GJB7: variants seen among roughly 807,000 people sequenced by gnomAD.
GJB7 encodes gap junction beta-7 protein.
For synonymous variants in GJB7, 87 were observed against 95.2 expected, an observed-to-expected ratio of 0.91 and a Z score of 0.50; for missense variants, 253 against 256.8, an observed-to-expected ratio of 0.99 and a Z score of 0.10.
intron 2 of GJB7, among the ~76,000 whole-genome samples, chr6:87,301,831 C>T (rs1221352788): frequency 1.3e-5 from 2 of 152,234 alleles, no homozygotes; most frequent in Non-Finnish European, 2.9e-5. Context: ...TGAGACGAAG[C>T]TTCCAGAGGA....
chr6:87,311,671 C>T (rs1776513945), intron 2 of GJB7, among the ~76,000 whole-genome samples: 1 of 152,172 alleles, frequency 6.6e-6, no homozygotes, highest in South Asian at 2.1e-4. Context: ...GAAGAGCAAA[C>T]TATTGTCCTG....
At chr6:87,321,536 C>T (rs1010904077) in intron 2 of GJB7, among the ~76,000 whole-genome samples, 3 of 152,156 alleles carry the variant, frequency 2.0e-5, no homozygotes, top group Non-Finnish European at 2.9e-5. Flanking sequence ...CAACCGCCCA[C>T]CCCTTCCCAT....
chr6:87,301,019 A>G (rs1317597958), intron 2 of GJB7, among the ~76,000 whole-genome samples: 1 of 152,244 alleles, frequency 6.6e-6, no homozygotes, highest in African/African-American at 2.4e-5. Flanking sequence ...TCAGAGGATG[A>G]AAATACATTT....
intron 2 of GJB7, among the ~76,000 whole-genome samples, chr6:87,289,828 G>A (rs1048868551): frequency 1.3e-5 from 2 of 152,168 alleles, no homozygotes; most frequent in Non-Finnish European, 2.9e-5. Flanking sequence ...CTGGCCTCTG[G>A]GAGGAAGACA....
At position 87,308,051 on chromosome 6, in the gene GJB7, A is replaced by C. The variant is rs145059900; in HGVS notation, c.-28+14815T>G. On this transcript the variant is annotated intron_variant, in intron 2 of 2. Transcript: ENST00000525899. Reference sequence around the variant, plus strand: ...CTATGGAATACTATGTAGCCATAAAAAATGATGAGTTCATGTCCTTTGTAG... The same window carrying C: ...CTATGGAATACTATGTAGCCATAAACAATGATGAGTTCATGTCCTTTGTAG... Among the ~76,000 whole-genome samples, 675 of 152,370 alleles carry C rather than the reference A, an allele frequency of 4.4e-3. 4 individuals carry two copies. Among genetic ancestry groups the C allele is most frequent in the African/African-American group, 0.016 (651 of 41,586 alleles).
At chr6:87,322,637 G>A (rs910734433) in intron 2 of GJB7, 1 of 152,416 alleles carries the variant, frequency 6.6e-6, no homozygotes, top group Non-Finnish European at 1.5e-5. Flanking sequence ...CGAAAGGTAA[G>A]CGGCGGCTTC....
rs553575350 is a variant in GJB7, at chr6:87,294,283, AC to A, written c.-27-9345del. Among the ~76,000 whole-genome samples the A allele has an allele frequency of 3.7e-4, 56 of 152,226 alleles. 1 individual carries two copies. Among genetic ancestry groups the A allele is most frequent in the Non-Finnish European group, 7.1e-4 (48 of 68,044 alleles). On this transcript the variant is annotated intron_variant, in intron 2 of 2. Transcript: ENST00000525899. The stretch of plus-strand genomic sequence containing the variant: ...ACGCTGCAAGATAATCAGAAAGTGC[AC>A]AGCCCAGAGCAGACAAAGGCAGTGT...
At position 87,284,317 on chromosome 6, in the gene GJB7, C is replaced by T. The variant is rs754520567; in HGVS notation, c.596G>A (p.Ser199Asn). ...LCIVLNFIELSFLVLKCFIKC... is the reference protein window; with the variant it reads ...LCIVLNFIELNFLVLKCFIKC... ...AATAAAGCACTTGAGAACCAAAAAACTCAGTTCAATGAAATTCAACACAAT... is the reference window on the plus strand; with the variant it reads ...AATAAAGCACTTGAGAACCAAAAAATTCAGTTCAATGAAATTCAACACAAT... Residue 199 changes from serine to asparagine, a missense_variant, in exon 3 of 3, where the codon AGT becomes AAT. Physicochemically the swap from Ser to Asn is conservative, Grantham distance 46. Coordinates refer to ENST00000525899, the MANE Select transcript of GJB7 (RefSeq NM_198568.3). 20 of 1,613,834 alleles carry T rather than the reference C, an allele frequency of 1.2e-5. No individual in the cohort carries two copies. The highest frequency in any genetic ancestry group is 1.7e-5 in the Non-Finnish European group (20 of 1,179,938).
At chr6:87,298,332 A>G (rs1473981214) in intron 2 of GJB7, among the ~76,000 whole-genome samples, 1 of 152,234 alleles carries the variant, frequency 6.6e-6, no homozygotes, top group Non-Finnish European at 1.5e-5. Flanking sequence ...TAGAAGCAGC[A>G]CAGGCCAAGA....
chr6:87,328,183 C>G (rs1776882205), intron 1 of GJB7, among the ~76,000 whole-genome samples: 1 of 152,180 alleles, frequency 6.6e-6, no homozygotes. Context: ...TTTTCAACTT[C>G]TTTGCCTTTG....
chr6:87,327,466 T>C (rs1247699598), intron 1 of GJB7, among the ~76,000 whole-genome samples: 3 of 152,076 alleles, frequency 2.0e-5, no homozygotes, highest in African/African-American at 7.2e-5. Context: ...ACAAAATCTC[T>C]CAGCATTTGC....
intron 2 of GJB7, among the ~76,000 whole-genome samples, chr6:87,317,472 C>A (rs1489648246): frequency 6.6e-6 from 1 of 150,576 alleles, no homozygotes; most frequent in Non-Finnish European, 1.5e-5. Flanking sequence ...TCTTGTTGCC[C>A]AAGCTGGAGT....
intron 1 of GJB7, among the ~76,000 whole-genome samples, chr6:87,326,016 C>A (rs960040340): frequency 6.6e-6 from 1 of 151,986 alleles, no homozygotes; most frequent in Non-Finnish European, 1.5e-5. Flanking sequence ...TGTCGAGGAA[C>A]TTATCCATTT....
chr6:87,303,090 C>T (rs1048175189), intron 2 of GJB7, among the ~76,000 whole-genome samples: 6 of 152,146 alleles, frequency 3.9e-5, no homozygotes, highest in African/African-American at 1.4e-4. Context: ...TTGTAAAGAC[C>T]ATCAAGGCTA....
At chr6:87,328,522 C>T (rs1168694503) in intron 1 of GJB7, among the ~76,000 whole-genome samples, 3 of 151,668 alleles carry the variant, frequency 2.0e-5, no homozygotes, top group African/African-American at 4.9e-5. Flanking sequence ...TGTGAGGTAT[C>T]AGTCTGCCCC....
At chr6:87,298,069 A>T (rs1190475208) in intron 2 of GJB7, among the ~76,000 whole-genome samples, 2 of 152,238 alleles carry the variant, frequency 1.3e-5, no homozygotes, top group Non-Finnish European at 2.9e-5. Flanking sequence ...CTGGAGTCAG[A>T]GACAGAATCA....
intron 1 of GJB7, among the ~76,000 whole-genome samples, 176 bp downstream of exon 1, chr6:87,328,962 T>C (rs1039798404): frequency 4.6e-5 from 7 of 152,216 alleles, no homozygotes; most frequent in Non-Finnish European, 1.0e-4. Flanking sequence ...TGGTGCGCCA[T>C]TTTTTAAGCC....
rs1490427063 is a variant in GJB7 at position 87,304,454 on chromosome 6, AC to A, written c.-28+18411del. Among the ~76,000 whole-genome samples the A allele has an allele frequency of 6.6e-5, 10 of 152,244 alleles. No individual in the cohort carries two copies. The South Asian group carries it at 2.1e-3, about 32-fold the overall frequency. ...AATGGATAAATTTCTGGACACATAC[AC>A]CCTCCCAAGACTAAACCAGGAAGAA... On this transcript the variant is annotated intron_variant, in intron 2 of 2. Transcript: ENST00000525899.
intron 2 of GJB7, chr6:87,298,761 A>G (rs1348858801): frequency 1.3e-5 from 3 of 234,696 alleles, no homozygotes; most frequent in African/African-American, 4.7e-5. Context: ...CCTCGCTGCC[A>G]TCCGACAGAA....
Sources: allele counts gnomAD v4.1 joint callset (sites outside exome capture counted in the v4.1 genomes callset), GRCh38; gene constraint gnomAD v4.1.1; transcripts MANE v1.5; gene names NCBI Gene and HGNC (gene_info 2026-07-23, HGNC 2026-07-21).